The following TIPRL variants were observed in gnomAD, a reference collection of about 807,000 sequenced individuals.
The protein encoded by TIPRL is TOR signaling pathway regulator, also known as TIP41-like protein.
Under a neutral mutation model 32.3 loss-of-function variants are expected in TIPRL, and 10 were observed. That is an observed-to-expected ratio of 0.31 (90% confidence interval 0.19 to 0.52). The LOEUF (loss-of-function observed/expected upper bound fraction) is 0.52, where lower values mean the gene tolerates loss of function less well. Ranked by LOEUF, TIPRL falls within the 20% of genes least tolerant of loss-of-function variation. TIPRL has a pLI of 0.96. For missense variants in TIPRL, 250 were observed against 328.1 expected, an observed-to-expected ratio of 0.76 and a Z score of 1.84; for synonymous variants, 100 against 114.0, an observed-to-expected ratio of 0.88 and a Z score of 0.78.
intron 1 of TIPRL, among the ~76,000 whole-genome samples, chr1:168,182,884 C>A (rs1000963310): frequency 1.3e-5 from 2 of 152,196 alleles, no homozygotes; most frequent in South Asian, 2.1e-4. Context: ...TGTATCTAAT[C>A]TTTTAAGTAT....
intron 4 of TIPRL, among the ~76,000 whole-genome samples, chr1:168,194,704 C>A (rs997110309): frequency 1.3e-5 from 2 of 152,124 alleles, no homozygotes; most frequent in African/African-American, 4.8e-5. Flanking sequence ...TTGCTGATAA[C>A]CCCATCAGAA....
chr1:168,184,130 C>A, intron 2 of TIPRL, 49 bp downstream of exon 2: 2 of 1,529,164 alleles, frequency 1.3e-6, no homozygotes, highest in Non-Finnish European at 8.9e-7. Flanking sequence ...TTAGGTTAAA[C>A]AAAAGAGAAA....
intron 3 of TIPRL, 90 bp from the exon 4 acceptor site, chr1:168,191,279 G>A: frequency 8.0e-7 from 1 of 1,246,440 alleles, no homozygotes; most frequent in Non-Finnish European, 1.1e-6. Context: ...AAGACTGATT[G>A]AAAAAGAAAA....
intron 6 of TIPRL, among the ~76,000 whole-genome samples, chr1:168,199,514 G>A (rs1401437692): frequency 6.6e-6 from 1 of 152,028 alleles, no homozygotes; most frequent in Non-Finnish European, 1.5e-5. Flanking sequence ...CGCTTAGTAT[G>A]TACTTCTGTC....
At chr1:168,192,865 A>T (rs865844312) in intron 4 of TIPRL, among the ~76,000 whole-genome samples, 1 of 110,320 alleles carries the variant, frequency 9.1e-6, no homozygotes, top group African/African-American at 6.4e-5. Flanking sequence ...CAGCCTGGGC[A>T]ACAAGCGAGA....
chr1:168,196,903 T>A (rs1484143966), intron 5 of TIPRL, among the ~76,000 whole-genome samples: 1 of 152,234 alleles, frequency 6.6e-6, no homozygotes, highest in Non-Finnish European at 1.5e-5. Flanking sequence ...GACAATTTTG[T>A]ATGTACTTAA....
At chr1:168,184,402 TATG>T (rs1700003467) in intron 2 of TIPRL, among the ~76,000 whole-genome samples, 1 of 152,232 alleles carries the variant, frequency 6.6e-6, no homozygotes, top group Non-Finnish European at 1.5e-5. Context: ...AATGTTTACT[TATG>T]ATATGCTTAA....
intron 3 of TIPRL, among the ~76,000 whole-genome samples, chr1:168,190,329 C>T (rs1179833319): frequency 1.3e-5 from 2 of 152,180 alleles, no homozygotes; most frequent in East Asian, 3.8e-4. Context: ...TTTTTTACCT[C>T]CTGGAAATCA....
chr1:168,191,080 C>T (rs1700091245), intron 3 of TIPRL, among the ~76,000 whole-genome samples: 2 of 152,190 alleles, frequency 1.3e-5, no homozygotes, highest in Admixed American at 1.3e-4. Context: ...TTAATTTTCT[C>T]ATAGTCACAA....
intron 1 of TIPRL, 86 bp downstream of exon 1, chr1:168,179,267 C>T (rs1471304251): frequency 3.6e-5 from 43 of 1,208,630 alleles, no homozygotes; most frequent in Non-Finnish European, 5.0e-5. Flanking sequence ...AGCCCCTCCC[C>T]TTTTCCCTGA....
Position 168,179,074 on chromosome 1 carries a change from A to G in TIPRL, c.-4A>G. 6.2e-7 allele frequency: 1 copy of G among 1,613,570 alleles called. No individual in the cohort carries two copies. Among genetic ancestry groups the G allele is most frequent in the Non-Finnish European group, 8.5e-7 (1 of 1,179,684 alleles). On this transcript the variant is annotated 5_prime_UTR_variant, in exon 1 of 7. Transcript: ENST00000367833. ...TTGTGGCCTCTGCGGGTCCTGCCTC[A>G]GCCATGATGATCCACGGCTTCCAGA...
chr1:168,188,227 C>T (rs1010986915), intron 3 of TIPRL, among the ~76,000 whole-genome samples: 2 of 152,116 alleles, frequency 1.3e-5, no homozygotes, highest in African/African-American at 4.8e-5. Context: ...TTCTAATTTG[C>T]CTCTTTATTT....
At chr1:168,192,684 G>T (rs1045711856) in intron 4 of TIPRL, among the ~76,000 whole-genome samples, 1 of 152,186 alleles carries the variant, frequency 6.6e-6, no homozygotes, top group Non-Finnish European at 1.5e-5. Context: ...GGATCACGAG[G>T]TCAGGAGATC....
At position 168,198,921 on chromosome 1, in the gene TIPRL, T is replaced by C. The variant is rs1247053027; in HGVS notation, c.615T>C (p.Ala205=). 1.2e-6 allele frequency: 2 copies of C among 1,610,198 alleles called. No individual in the cohort carries two copies. The highest frequency in any genetic ancestry group is 1.7e-6 in the Non-Finnish European group (2 of 1,178,088). The change falls in exon 6 of 7, where the codon GCT becomes GCC. Residue 205 remains alanine, a splice_region_variant and synonymous_variant. Transcript: ENST00000367833. Reference sequence around the variant, plus strand: ...CAACTGTTTATTTTTAAATACAGGCTGACAAGACCTACATGTTACGAGAAT... The same window carrying C: ...CAACTGTTTATTTTTAAATACAGGCCGACAAGACCTACATGTTACGAGAAT... ...RMNDTRLYHE[A]DKTYMLREYT...
chr1:168,186,457 C>G (rs1464065630), intron 3 of TIPRL, among the ~76,000 whole-genome samples: 2 of 152,010 alleles, frequency 1.3e-5, no homozygotes, highest in Non-Finnish European at 2.9e-5. Flanking sequence ...GATCACGCCA[C>G]TGCACTCTAG....
At chr1:168,186,074 C>CAAAAAAAAAA (rs56699636) in intron 3 of TIPRL, among the ~76,000 whole-genome samples, 1 of 56,024 alleles carries the variant, frequency 1.8e-5, no homozygotes, top group Admixed American at 2.3e-4. Context: ...GACTCCGTCT[C>CAAAAAAAAAA]AAAAAAAAAA....
In TIPRL at chr1:168,200,198, G is replaced by A; in HGVS notation, c.*152G>A. 2.6e-6 allele frequency: 2 copies of A among 763,600 alleles called. No individual in the cohort carries two copies. The highest frequency in any genetic ancestry group is 4.0e-6 in the Non-Finnish European group (2 of 502,302). 47.3% of individuals were successfully genotyped at this position (763,600 alleles called of 1,614,324 possible). On this transcript the variant is annotated 3_prime_UTR_variant, in exon 7 of 7. Transcript: ENST00000367833. The stretch of plus-strand genomic sequence containing the variant: ...AAAAAATAAAGATCGTTACAGGCAG[G>A]TTTCACTCAACTGCTGTTTGTACTG...
intron 4 of TIPRL, among the ~76,000 whole-genome samples, chr1:168,191,764 C>T (rs922730107): frequency 4.2e-5 from 6 of 144,336 alleles, no homozygotes; most frequent in South Asian, 4.5e-4. Context: ...CCCAGCTACT[C>T]GGGAGGCTGA....
intron 5 of TIPRL, among the ~76,000 whole-genome samples, chr1:168,197,010 A>G (rs571756267): frequency 1.3e-5 from 2 of 152,338 alleles, no homozygotes; most frequent in East Asian, 3.9e-4. Context: ...CAGGAAGTAC[A>G]TTAATATATT....
Sources: allele counts gnomAD v4.1 joint callset (sites outside exome capture counted in the v4.1 genomes callset), GRCh38; gene constraint gnomAD v4.1.1; transcripts MANE v1.5; gene names NCBI Gene and HGNC (gene_info 2026-07-23, HGNC 2026-07-21).